Variants in ITGB5 observed in about 807,000 individuals in gnomAD.
The protein encoded by ITGB5 is integrin beta-5.
A neutral mutation model predicts 84.8 loss-of-function variants in ITGB5; 38 were observed. The ratio of observed to expected loss-of-function variants is 0.45; its 90% CI spans 0.35 to 0.59. ITGB5 has a LOEUF of 0.59. ITGB5 is among the 20% of genes least tolerant of loss of function. The probability of loss-of-function intolerance (pLI) is 0.01; values close to 1 mark genes in which losing one functional copy is unlikely to be tolerated. For missense variants in ITGB5, 905 were observed against 1,034.5 expected (o/e 0.87, Z 1.72); for synonymous variants, 393 against 414.4 (o/e 0.95, Z 0.63).
intron 10 of ITGB5, among the ~76,000 whole-genome samples, chr3:124,786,875 C>T (rs2064089119): frequency 6.6e-6 from 1 of 152,152 alleles, no homozygotes. Context: ...GTCAGCTCAA[C>T]CCCTAAGAAA....
Position 124,869,015 on chromosome 3 carries a change from C to T in ITGB5, c.156+4431G>A, listed in dbSNP as rs375613462. On this transcript the variant is annotated intron_variant, in intron 2 of 14. Transcript: ENST00000296181. ...ATTAGGTTACAAGGAATGTGAACTG[C>T]AGGGATAAGGAATCCTCATGCCCAC... is the stretch of plus-strand genomic sequence containing the variant. Among the ~76,000 whole-genome samples the T allele has an allele frequency of 4.0e-4, 61 of 152,156 alleles. No individual in the cohort carries two copies. The South Asian group carries it at 0.013, about 32-fold the overall frequency.
intron 1 of ITGB5, among the ~76,000 whole-genome samples, chr3:124,896,916 C>CA (rs5852431): frequency 0.28 from 38,541 of 137,358 alleles, 5,262 homozygotes; most frequent in African/African-American, 0.37. Flanking sequence ...AAAGAAAAGC[C>CA]AAAAAAAAAA....
intron 5 of ITGB5, among the ~76,000 whole-genome samples, chr3:124,838,281 A>T (rs549519946): frequency 2.0e-4 from 31 of 152,310 alleles, no homozygotes; most frequent in African/African-American, 7.5e-4. Context: ...CAAAGAAGAA[A>T]ATAAGCCTAT....
Position 124,796,781 on chromosome 3 carries a change from G to C in ITGB5, c.1300C>G (p.Pro434Ala), listed in dbSNP as rs1441790838. The C allele has an allele frequency of 6.2e-7, 1 of 1,612,116 alleles. No individual in the cohort carries two copies. The highest frequency in any genetic ancestry group is 8.5e-7 in the Non-Finnish European group (1 of 1,178,730). The change falls in exon 10 of 15, where the codon CCC (proline) becomes GCC (alanine). Residue 434 changes from proline to alanine, a missense_variant. Around this residue, in one of 3 missense-constraint regions of ITGB5, gnomAD observed 656 missense variants for 734.7 expected, o/e 0.89. Transcript: ENST00000296181. ...AACACATGCTCCGTGTGTCTGCTGGGACAGCTTCGGGCCTCCAATGATACT... is the reference window on the plus strand; with the variant it reads ...AACACATGCTCCGTGTGTCTGCTGGCACAGCTTCGGGCCTCCAATGATACT... Reference protein sequence around the residue: ...FEVSLEARSCPSRHTEHVFAL... With the variant: ...FEVSLEARSCASRHTEHVFAL...
At chr3:124,863,622 G>A (rs1416762338) in intron 2 of ITGB5, among the ~76,000 whole-genome samples, 1 of 152,182 alleles carries the variant, frequency 6.6e-6, no homozygotes, top group Non-Finnish European at 1.5e-5. Context: ...GGGTTCAAGT[G>A]ATCCCGCCAC....
chr3:124,807,662 G>A (rs2064427127), intron 9 of ITGB5, among the ~76,000 whole-genome samples: 1 of 152,010 alleles, frequency 6.6e-6, no homozygotes, highest in African/African-American at 2.4e-5. Context: ...AGGTATGTCT[G>A]TGGCTGGGCA....
intron 1 of ITGB5, among the ~76,000 whole-genome samples, chr3:124,898,519 C>T (rs1935152417): frequency 6.6e-6 from 1 of 151,176 alleles, no homozygotes; most frequent in Non-Finnish European, 1.5e-5. Context: ...TGGCAGGCAC[C>T]TGTAGTCCCA....
intron 9 of ITGB5, among the ~76,000 whole-genome samples, chr3:124,805,082 G>A (rs1217676857): frequency 1.7e-5 from 2 of 116,378 alleles, no homozygotes; most frequent in Non-Finnish European, 3.3e-5. Flanking sequence ...CTTCCTTTCC[G>A]TTTCTTTCTT....
rs576189110 is a variant in ITGB5, at chr3:124,782,029, T to G, written c.1694-8117A>C. 2.0e-5 allele frequency among the ~76,000 whole-genome samples: 3 copies of G among 152,358 alleles called. No individual in the cohort carries two copies. In the South Asian group the frequency reaches 6.2e-4, roughly 32 times the overall value. Reference sequence around the variant, plus strand: ...GAAATGTATGTTGTACTTCAATGTTTACTGCCTTCTGGGAAGTTGTAATTC... The same window carrying G: ...GAAATGTATGTTGTACTTCAATGTTGACTGCCTTCTGGGAAGTTGTAATTC... On this transcript the variant is annotated intron_variant, in intron 10 of 14. Coordinates refer to ENST00000296181, the MANE Select transcript of ITGB5 (RefSeq NM_002213.5).
chr3:124,851,010 T>G (rs759539344), intron 3 of ITGB5, among the ~76,000 whole-genome samples: 1 of 152,278 alleles, frequency 6.6e-6, no homozygotes, highest in Non-Finnish European at 1.5e-5. Flanking sequence ...TTCTGCATTT[T>G]CTGCCACCTG....
At chr3:124,829,032 A>G (rs2064823055) in intron 5 of ITGB5, among the ~76,000 whole-genome samples, 1 of 152,236 alleles carries the variant, frequency 6.6e-6, no homozygotes, top group South Asian at 2.1e-4. Context: ...AGTATCTGGT[A>G]TGGGATCAAT....
intron 1 of ITGB5, among the ~76,000 whole-genome samples, chr3:124,886,578 C>CA (rs1934819097): frequency 6.6e-6 from 1 of 152,096 alleles, no homozygotes; most frequent in African/African-American, 2.4e-5. Flanking sequence ...ACAAGGACCG[C>CA]TTTGTGCCCG....
chr3:124,841,338 A>C (rs770238512), intron 5 of ITGB5, 45 bp downstream of exon 5: 10 of 1,591,146 alleles, frequency 6.3e-6, no homozygotes, highest in Non-Finnish European at 7.7e-6. Context: ...GACGCTCTCT[A>C]CCTTGACCTC....
chr3:124,894,128 A>ATTTTTATTTTTTTTTTTT (rs1464038480), intron 1 of ITGB5, among the ~76,000 whole-genome samples: 1 of 61,974 alleles, frequency 1.6e-5, no homozygotes, highest in Non-Finnish European at 3.5e-5. Flanking sequence ...AAGTTGTGAT[A>ATTTTTATTTTTTTTTTTT]TTTTTCTTTT....
chr3:124,777,302 G>A (rs555598294), intron 10 of ITGB5, among the ~76,000 whole-genome samples: 1 of 152,332 alleles, frequency 6.6e-6, no homozygotes, highest in South Asian at 2.1e-4. Context: ...AGCCCAGCCC[G>A]TTTCTGGGGG....
At chr3:124,839,695 G>C (rs1017836666) in intron 5 of ITGB5, among the ~76,000 whole-genome samples, 1 of 152,226 alleles carries the variant, frequency 6.6e-6, no homozygotes, top group Non-Finnish European at 1.5e-5. Context: ...ATATCTGAAA[G>C]TCAGTCAAAA....
intron 5 of ITGB5, among the ~76,000 whole-genome samples, chr3:124,832,555 ATGACCCCT>A (rs528929402): frequency 5.9e-5 from 9 of 152,362 alleles, no homozygotes; most frequent in African/African-American, 1.9e-4. Context: ...AGAGACCAGG[ATGACCCCT>A]TGAGAGAGAA....
chr3:124,861,856 G>A (rs555850879), intron 2 of ITGB5, among the ~76,000 whole-genome samples: 35 of 152,284 alleles, frequency 2.3e-4, no homozygotes, highest in African/African-American at 7.9e-4. Context: ...CAGTGCACCC[G>A]GCCTCTGGCC....
chr3:124,766,081 A>G (rs2063763098), intron 13 of ITGB5, 145 bp downstream of exon 13: 4 of 837,876 alleles, frequency 4.8e-6, no homozygotes, highest in Non-Finnish European at 3.6e-6. Context: ...AAAAAAGAAA[A>G]AGAAGAAATT....
Sources: gnomAD v4.1 joint callset for allele counts (sites outside exome capture counted in the v4.1 genomes callset) on GRCh38, gnomAD v4.1.1 for gene constraint, gnomAD v4.1.1 regional missense constraint, MANE v1.5 for transcripts, NCBI Gene and HGNC (gene_info 2026-07-23, HGNC 2026-07-21) for gene names.